RNF10: variants seen among roughly 807,000 people sequenced by gnomAD.
RNF10 encodes E3 ubiquitin-protein ligase RNF10.
RNF10 carries 38 observed loss-of-function variants against 91.4 expected under a neutral mutation model. The ratio of observed to expected loss-of-function variants is 0.42; its 90% CI spans 0.32 to 0.54. The LOEUF is 0.54. Ranked by LOEUF, RNF10 falls within the 20% of genes least tolerant of loss-of-function variation. The probability of loss-of-function intolerance (pLI) is 0.16; values close to 1 mark genes in which losing one functional copy is unlikely to be tolerated. For synonymous variants in RNF10, 364 were observed against 366.3 expected, an observed-to-expected ratio of 0.99 and a Z score of 0.07; for missense variants, 945 against 1,012.0, an observed-to-expected ratio of 0.93 and a Z score of 0.90.
Position 120,577,327 on chromosome 12 carries a change from C to G in RNF10, c.*661C>G. The G allele has an allele frequency of 2.7e-6, 1 of 373,934 alleles. No individual in the cohort carries two copies. The highest frequency in any genetic ancestry group is 2.0e-5 in the South Asian group (1 of 50,422). The allele number at this position is 373,934 out of a possible 1,614,324, so 23.2% of individuals were successfully genotyped here. A position where few individuals can be genotyped will look rare whatever the true frequency, so the allele number is the denominator to read the frequency against. Reference sequence around the variant, plus strand: ...GTAAGGAAAGCTGTAACTCACGAAGCCCTGAGACCTGCTACCCCTAAGATC... The same window carrying G: ...GTAAGGAAAGCTGTAACTCACGAAGGCCTGAGACCTGCTACCCCTAAGATC... On this transcript the variant is annotated 3_prime_UTR_variant, in exon 17 of 17. Transcript: ENST00000325954.
chr12:120,547,403 C>T (rs1872495771), intron 2 of RNF10, among the ~76,000 whole-genome samples: 1 of 152,182 alleles, frequency 6.6e-6, no homozygotes, highest in Non-Finnish European at 1.5e-5. Context: ...GTGATCCTCC[C>T]ACCTCAGCTT....
intron 2 of RNF10, among the ~76,000 whole-genome samples, chr12:120,551,997 G>C (rs75914748): frequency 0.031 from 4,651 of 150,054 alleles, 235 homozygotes; most frequent in African/African-American, 0.11. Flanking sequence ...GACTGCATAA[G>C]AGGAAATGCT....
rs909757565 is a variant in RNF10 at position 120,576,838 on chromosome 12, T to C, written c.*172T>C. The C allele has an allele frequency of 6.1e-5, 47 of 775,538 alleles. No individual in the cohort carries two copies. In the African/African-American group the frequency reaches 6.2e-4, roughly 10 times the overall value. The allele number at this position is 775,538 out of a possible 1,614,324, so 48.0% of individuals were successfully genotyped here. A position where few individuals can be genotyped will look rare whatever the true frequency, so the allele number is the denominator to read the frequency against. ...AACCAAGAAAATTTTAAATACAGTG[T>C]ATTTTCCAGCTTCCTGTCTTTACAC... On this transcript the variant is annotated 3_prime_UTR_variant, in exon 17 of 17. Coordinates refer to ENST00000325954, the MANE Select transcript of RNF10 (RefSeq NM_014868.5).
chr12:120,547,076 AT>A (rs1872450141), intron 2 of RNF10, among the ~76,000 whole-genome samples: 1 of 152,196 alleles, frequency 6.6e-6, no homozygotes, highest in Non-Finnish European at 1.5e-5. Flanking sequence ...AAATTGGGAA[AT>A]AACCTAAATG....
Position 120,563,519 on chromosome 12 carries a change from A to C in RNF10, c.1427A>C (p.Asn476Thr). ...ACDDLELADD[N>T]LKEGTICTES... ...GATGACTTGGAGTTAGCAGATGACAATCTTAAAGAGGGGACCATTTGCACT... is the reference window on the plus strand; with the variant it reads ...GATGACTTGGAGTTAGCAGATGACACTCTTAAAGAGGGGACCATTTGCACT... Residue 476 changes from asparagine (N) to threonine (T), a missense_variant, in exon 9 of 17, where the codon AAT becomes ACT. Asn to Thr is a moderately conservative substitution (Grantham distance 65). Coordinates refer to ENST00000325954, the MANE Select transcript of RNF10 (RefSeq NM_014868.5). 2 of 1,614,132 alleles carry C rather than the reference A, an allele frequency of 1.2e-6. No individual in the cohort carries two copies. The highest frequency in any genetic ancestry group is 1.7e-6 in the Non-Finnish European group (2 of 1,180,030).
intron 13 of RNF10, among the ~76,000 whole-genome samples, chr12:120,570,458 T>C (rs978467805): frequency 1.3e-5 from 2 of 152,180 alleles, no homozygotes; most frequent in African/African-American, 2.4e-5. Flanking sequence ...AGTGCTGGGA[T>C]TACAGCGGGA....
At chr12:120,546,339 G>A (rs1329449967) in intron 1 of RNF10, 66 bp from the exon 2 acceptor site, 3 of 1,460,816 alleles carry the variant, frequency 2.1e-6, no homozygotes, top group Non-Finnish European at 2.8e-6. Flanking sequence ...GCTGGGAGGT[G>A]GAGGGCAGTT....
intron 6 of RNF10, among the ~76,000 whole-genome samples, chr12:120,558,713 C>T (rs1428693827): frequency 2.0e-5 from 3 of 151,120 alleles, no homozygotes; most frequent in East Asian, 3.9e-4. Context: ...GGACTACAGG[C>T]GCCCGCCACC....
intron 1 of RNF10, chr12:120,539,271 AT>A: frequency 1.8e-6 from 1 of 547,112 alleles, no homozygotes; most frequent in Non-Finnish European, 3.1e-6. Context: ...CCTAGGCGGT[AT>A]TTTTCAATAA....
chr12:120,575,819 C>T lies in RNF10; in HGVS notation c.2228C>T (p.Pro743Leu), dbSNP rs763107187. 2.4e-5 allele frequency: 39 copies of T among 1,614,068 alleles called. No homozygotes were observed. Among genetic ancestry groups the T allele is most frequent in the Non-Finnish European group, 3.2e-5 (38 of 1,180,034 alleles). Residue 743 changes from proline (P) to leucine (L), a missense_variant, in exon 16 of 17, where the codon CCT becomes CTT. By Grantham distance (98) the Pro-to-Leu change is moderately conservative (BLOSUM62 -3). Transcript: ENST00000325954. ...GAGAACAGCTTAGTTCCTCCTGCCC[C>T]TGTGGACAGCGACGGGGAGAGTGAT... is the stretch of plus-strand genomic sequence containing the variant. ...KDENSLVPPAPVDSDGESDNS... is the reference protein window; with the variant it reads ...KDENSLVPPALVDSDGESDNS...
At chr12:120,535,623 A>G (rs1179979394) in intron 1 of RNF10, 1 of 152,230 alleles carries the variant, frequency 6.6e-6, no homozygotes, top group Admixed American at 6.5e-5. Flanking sequence ...AATTAAAAAC[A>G]AAACAAATGA....
intron 1 of RNF10, among the ~76,000 whole-genome samples, chr12:120,538,438 T>C (rs1404399994): frequency 6.6e-6 from 1 of 152,210 alleles, no homozygotes; most frequent in Admixed American, 6.5e-5. Context: ...TTCTTGATCT[T>C]TCCGGCTAGA....
chr12:120,547,494 A>G (rs1872506392), intron 2 of RNF10, among the ~76,000 whole-genome samples: 1 of 151,880 alleles, frequency 6.6e-6, no homozygotes, highest in Non-Finnish European at 1.5e-5. Context: ...GGATCTTACT[A>G]TGTTGTCTAG....
intron 1 of RNF10, chr12:120,539,298 A>C: frequency 4.0e-6 from 3 of 749,774 alleles, no homozygotes; most frequent in Non-Finnish European, 6.0e-6. Flanking sequence ...GTATAATCAC[A>C]CTTAGCAAGC....
At position 120,557,531 on chromosome 12, in the gene RNF10, G is replaced by C. The variant is rs768499730; in HGVS notation, c.831-15G>C. On this transcript the variant is annotated splice_polypyrimidine_tract_variant and intron_variant, in intron 5 of 16. Coordinates refer to ENST00000325954, the MANE Select transcript of RNF10 (RefSeq NM_014868.5). ...TCACTCCTTGCCCTGCTACATATGA[G>C]TGTCCATGTTTCAGTGTTGTTGCCA... 4 of 1,614,144 alleles carry C rather than the reference G, an allele frequency of 2.5e-6. No homozygotes were observed. Among genetic ancestry groups the C allele is most frequent in the South Asian group, 1.1e-5 (1 of 91,084 alleles).
intron 2 of RNF10, among the ~76,000 whole-genome samples, chr12:120,549,649 A>G (rs1397259577): frequency 6.6e-6 from 1 of 152,002 alleles, no homozygotes; most frequent in Non-Finnish European, 1.5e-5. Flanking sequence ...ACCGGGCGTG[A>G]TGGCAGGTGC....
At chr12:120,539,684 G>A (rs1871287482) in intron 1 of RNF10, among the ~76,000 whole-genome samples, 1 of 152,198 alleles carries the variant, frequency 6.6e-6, no homozygotes, top group Admixed American at 6.5e-5. Flanking sequence ...TTAGGGAAAT[G>A]TGGAACAACT....
At position 120,577,541 on chromosome 12, in the gene RNF10, C is replaced by T. The variant is rs896609165; in HGVS notation, c.*875C>T. 2.7e-5 allele frequency: 5 copies of T among 182,316 alleles called. No homozygotes were observed. In the East Asian group the frequency reaches 9.1e-4, roughly 33 times the overall value. The allele number at this position is 182,316 out of a possible 1,614,324, so 11.3% of individuals were successfully genotyped here. A position where few individuals can be genotyped will look rare whatever the true frequency, so the allele number is the denominator to read the frequency against. ...TGCTTAATAAAGTGACCTCTAGGTG[C>T]ATTAGAATGCGAAGGCAAATAGTTG... On this transcript the variant is annotated 3_prime_UTR_variant, in exon 17 of 17. Coordinates refer to ENST00000325954, the MANE Select transcript of RNF10 (RefSeq NM_014868.5).
chr12:120,566,192 T>C (rs1470056520), intron 12 of RNF10, among the ~76,000 whole-genome samples: 2 of 152,146 alleles, frequency 1.3e-5, no homozygotes, highest in East Asian at 3.8e-4. Flanking sequence ...CGTGTAGGTG[T>C]TTGGCACATG....
Sources: allele counts gnomAD v4.1 joint callset (sites outside exome capture counted in the v4.1 genomes callset), GRCh38; gene constraint gnomAD v4.1.1; transcripts MANE v1.5; gene names NCBI Gene and HGNC (gene_info 2026-07-23, HGNC 2026-07-21).